The following PCDHGA12 variants were observed in gnomAD, a reference collection of about 807,000 sequenced individuals.
PCDHGA12 encodes the protein protocadherin gamma subfamily A, 12.
A neutral mutation model predicts 61.1 loss-of-function variants in PCDHGA12; 43 were observed. That is an observed-to-expected ratio of 0.70 (90% CI 0.55 to 0.91). The LOEUF (loss-of-function observed/expected upper bound fraction) is 0.91, where lower values mean the gene tolerates loss of function less well. Among genes scored for constraint, PCDHGA12 ranks in the 40% least tolerant of loss-of-function variants. The pLI is 0.00. For synonymous variants in PCDHGA12, 520 were observed against 542.9 expected, an observed-to-expected ratio of 0.96 and a Z score of 0.59; for missense variants, 1,236 against 1,227.7, an observed-to-expected ratio of 1.01 and a Z score of -0.10.
At chr5:141,502,001 C>T (rs2099812274) in intron 2 of PCDHGA12, among the ~76,000 whole-genome samples, 2 of 152,106 alleles carry the variant, frequency 1.3e-5, no homozygotes, top group Admixed American at 1.3e-4. Flanking sequence ...CCCTGACAAC[C>T]CGCATGCTCT....
intron 1 of PCDHGA12, among the ~76,000 whole-genome samples, chr5:141,481,728 C>T (rs529419213): frequency 2.1e-4 from 32 of 152,032 alleles, no homozygotes; most frequent in African/African-American, 7.2e-4. Flanking sequence ...CGGAGGCGGG[C>T]GGATCACGAG....
Position 141,432,254 on chromosome 5 carries a change from G to A in PCDHGA12, c.1495G>A (p.Ala499Thr), listed in dbSNP as rs935437220. 6.2e-7 allele frequency: 1 copy of A among 1,614,242 alleles called. No homozygotes were observed. The highest frequency in any genetic ancestry group is 8.5e-7 in the Non-Finnish European group (1 of 1,180,050). ...YSLAENTIQG[A>T]SLSSYVSINS... ...CCTGGCTGAGAACACCATCCAAGGG[G>A]CAAGCCTATCGTCCTACGTGTCCAT... Residue 499 changes from alanine to threonine, a missense_variant, in exon 1 of 4, where the codon GCA (alanine) becomes ACA (threonine). By Grantham distance (58) the Ala-to-Thr change is moderately conservative (BLOSUM62 0). Transcript: ENST00000252085. The surrounding 1 kb of genome is among the most constrained non-coding windows in gnomAD (Gnocchi z 6.0).
Position 141,432,126 on chromosome 5 carries a change from C to A in PCDHGA12, c.1367C>A (p.Ser456Tyr). 6.2e-7 allele frequency: 1 copy of A among 1,614,144 alleles called. No homozygotes were observed. Among genetic ancestry groups the A allele is most frequent in the South Asian group, 1.1e-5 (1 of 91,058 alleles). ...AACCCGCCGGTCTTCCCTCAGGCCT[C>A]CTATTCCGCTTATATCCCAGAGAAC... Reference protein sequence around the residue: ...NDNPPVFPQASYSAYIPENNP... With the variant: ...NDNPPVFPQAYYSAYIPENNP... The change falls in exon 1 of 4, where the codon TCC (serine) becomes TAC (tyrosine). Residue 456 changes from serine to tyrosine, a missense_variant. Transcript: ENST00000252085. The surrounding 1 kb of genome is among the most constrained non-coding windows in gnomAD (Gnocchi z 6.0).
chr5:141,501,345 A>G (rs2099808580), intron 2 of PCDHGA12, among the ~76,000 whole-genome samples: 2 of 150,582 alleles, frequency 1.3e-5, no homozygotes, highest in East Asian at 1.9e-4. Context: ...CCCAAACTCA[A>G]TAGGGCAAGA....
rs1399250599 is a variant in PCDHGA12, at chr5:141,476,902, C to A, written c.2425-17905C>A. On this transcript the variant is annotated intron_variant, in intron 1 of 3. Coordinates refer to ENST00000252085, the MANE Select transcript of PCDHGA12 (RefSeq NM_003735.3). The surrounding 1 kb of genome is among the most constrained non-coding windows in gnomAD (Gnocchi z 7.6). ...TGGAGGATGCACCCTCCGGCACGCG[C>A]GTGGTACAAGTCCTTGCAACGGATC... 5 of 1,613,880 alleles carry A rather than the reference C, an allele frequency of 3.1e-6. No individual in the cohort carries two copies. Among genetic ancestry groups the A allele is most frequent in the South Asian group, 1.1e-5 (1 of 91,090 alleles).
chr5:141,458,594 G>A (rs1226490392), intron 1 of PCDHGA12, among the ~76,000 whole-genome samples: 2 of 151,612 alleles, frequency 1.3e-5, no homozygotes, highest in South Asian at 2.1e-4. Flanking sequence ...TTTTGGAGAC[G>A]AGTCTCACTC....
At position 141,430,919 on chromosome 5, in the gene PCDHGA12, C is replaced by A. The variant is rs377613499; in HGVS notation, c.160C>A (p.Leu54Met). The A allele has an allele frequency of 6.2e-7, 1 of 1,607,492 alleles. No homozygotes were observed. Among genetic ancestry groups the A allele is most frequent in the Admixed American group, 1.7e-5 (1 of 58,806 alleles). The stretch of plus-strand genomic sequence containing the variant: ...GGGCGACATCTCCAGGGACCTGGGG[C>A]TGGAGCCCCGGGAGCTCGCGGAGCG... ...RVGDISRDLG[L>M]EPRELAERGV... is the part of the protein sequence containing the mutation. The change falls in exon 1 of 4, where the codon CTG (leucine) becomes ATG (methionine). Residue 54 changes from leucine (L) to methionine (M), a missense_variant. By Grantham distance (15) the Leu-to-Met change is conservative. Transcript: ENST00000252085.
chr5:141,456,968 A>AAAACAAAC (rs202005606), intron 1 of PCDHGA12, among the ~76,000 whole-genome samples: 1 of 152,282 alleles, frequency 6.6e-6, no homozygotes, highest in Admixed American at 6.5e-5. Flanking sequence ...ATCTCAAAAC[A>AAAACAAAC]AAACAAACAA....
Position 141,489,084 on chromosome 5 carries a change from C to T in PCDHGA12, c.2425-5723C>T, listed in dbSNP as rs1232276875. On this transcript the variant is annotated intron_variant, in intron 1 of 3. Transcript: ENST00000252085. This position sits in a 1 kb window ranked among gnomAD's most constrained non-coding sequence, Gnocchi z 4.5. ...CTCCCCCCTGCCCACCCCCGCCACTCGGTGACTAAGAACTGCTGCAAGCAG... is the reference window on the plus strand; with the variant it reads ...CTCCCCCCTGCCCACCCCCGCCACTTGGTGACTAAGAACTGCTGCAAGCAG... The T allele has an allele frequency of 1.5e-5, 5 of 329,072 alleles. No homozygotes were observed. Among genetic ancestry groups the T allele is most frequent in the South Asian group, 1.3e-4 (2 of 15,846 alleles). The allele number at this position is 329,072 out of a possible 1,614,324, so 20.4% of individuals were successfully genotyped here. A position where few individuals can be genotyped will look rare whatever the true frequency, so the allele number is the denominator to read the frequency against.
intron 1 of PCDHGA12, 77 bp downstream of exon 1, chr5:141,433,260 C>A: frequency 1.5e-6 from 2 of 1,352,308 alleles, no homozygotes; most frequent in South Asian, 1.4e-5. Flanking sequence ...GCGGTACGAT[C>A]ATAGCTCACT....
chr5:141,463,653 G>A (rs1378583183), intron 1 of PCDHGA12, among the ~76,000 whole-genome samples: 2 of 151,764 alleles, frequency 1.3e-5, no homozygotes, highest in Admixed American at 6.6e-5. Context: ...GGGTTTCACC[G>A]TGTTAGCCAG....
At position 141,486,641 on chromosome 5, in the gene PCDHGA12, A is replaced by C; in HGVS notation, c.2425-8166A>C. On this transcript the variant is annotated intron_variant, in intron 1 of 3. Transcript: ENST00000252085. The surrounding 1 kb of genome is among the most constrained non-coding windows in gnomAD (Gnocchi z 5.0). ...CCCAGACTCTGGCTTGAATGCGCTTATCTCCTACTCACTCCTGGAGCCCAG... is the reference window on the plus strand; with the variant it reads ...CCCAGACTCTGGCTTGAATGCGCTTCTCTCCTACTCACTCCTGGAGCCCAG... 6.2e-7 allele frequency: 1 copy of C among 1,613,734 alleles called. No individual in the cohort carries two copies. The highest frequency in any genetic ancestry group is 1.6e-4 in the Middle Eastern group (1 of 6,062).
At chr5:141,448,822 G>A (rs924937891) in intron 1 of PCDHGA12, among the ~76,000 whole-genome samples, 4 of 152,048 alleles carry the variant, frequency 2.6e-5, no homozygotes, top group African/African-American at 9.7e-5. Context: ...GCGGGCGCCT[G>A]TAGTCCCAGC....
Position 141,494,808 on chromosome 5 carries a change from A to G in PCDHGA12, c.2426A>G (p.Gln809Arg). The G allele has an allele frequency of 1.9e-6, 3 of 1,614,014 alleles. No individual in the cohort carries two copies. Among genetic ancestry groups the G allele is most frequent in the Non-Finnish European group, 2.5e-6 (3 of 1,179,982 alleles). The change falls in exon 2 of 4, where the codon CAA becomes CGA. Residue 809 changes from glutamine to arginine, a missense_variant and splice_region_variant. Gln to Arg is a conservative substitution (Grantham distance 43, BLOSUM62 1). Coordinates refer to ENST00000252085, the MANE Select transcript of PCDHGA12 (RefSeq NM_003735.3). ...CCTTTCCCTCTGTTTTCTCCACAGC[A>G]AGCCCCGCCCAACACGGACTGGCGT... ...FSKDSHGLIE[Q>R]APPNTDWRFS...
chr5:141,432,610 C>T lies in PCDHGA12; in HGVS notation c.1851C>T (p.Phe617=), dbSNP rs1481968343. 9.3e-6 allele frequency: 15 copies of T among 1,613,954 alleles called. No homozygotes were observed. Among genetic ancestry groups the T allele is most frequent in the Non-Finnish European group, 1.3e-5 (15 of 1,179,978 alleles). The change falls in exon 1 of 4, where the codon TTC becomes TTT. Residue 617 remains phenylalanine (F), a synonymous_variant. Transcript: ENST00000252085. This position sits in a 1 kb window ranked among gnomAD's most constrained non-coding sequence, Gnocchi z 6.0. The stretch of plus-strand genomic sequence containing the variant: ...TCAAGGCCAGCGAGCCGGGACTCTT[C>T]TCGGTGGGTCTGCACACGGGCGAGG... ...RLLKASEPGL[F]SVGLHTGEVR... is the part of the protein sequence containing the mutation.
chr5:141,509,447 C>T (rs898280593), intron 3 of PCDHGA12, among the ~76,000 whole-genome samples: 2 of 152,128 alleles, frequency 1.3e-5, no homozygotes, highest in Admixed American at 6.5e-5. Context: ...CCTCCTCTCC[C>T]ACCCCCGACC....
chr5:141,475,542 G>A (rs1182059354), intron 1 of PCDHGA12, among the ~76,000 whole-genome samples: 1 of 152,174 alleles, frequency 6.6e-6, no homozygotes, highest in East Asian at 1.9e-4. Flanking sequence ...TTACAAGTAG[G>A]GTCCGGCTAA....
chr5:141,460,537 C>T (rs2098991642), intron 1 of PCDHGA12, among the ~76,000 whole-genome samples: 1 of 152,062 alleles, frequency 6.6e-6, no homozygotes, highest in African/African-American at 2.4e-5. Context: ...ATAATCTTAG[C>T]ACCTTAATCA....
intron 1 of PCDHGA12, among the ~76,000 whole-genome samples, chr5:141,448,861 C>T (rs1017826063): frequency 2.0e-5 from 3 of 152,118 alleles, no homozygotes; most frequent in African/African-American, 7.2e-5. Flanking sequence ...AGGAGAATGG[C>T]GTGAACCTGG....
Sources: allele counts gnomAD v4.1 joint callset (sites outside exome capture counted in the v4.1 genomes callset), GRCh38; gene constraint gnomAD v4.1.1; non-coding constraint Gnocchi (gnomAD v3.1); transcripts MANE v1.5; gene names NCBI Gene and HGNC (gene_info 2026-07-23, HGNC 2026-07-21).